The following BPIFB1 variants were observed in gnomAD, a reference collection of about 807,000 sequenced individuals.
The protein encoded by BPIFB1 is BPI fold containing family B member 1, also known as BPI fold-containing family B member 1.
BPIFB1 carries 34 observed loss-of-function variants against 55.1 expected under a neutral mutation model. The observed-to-expected ratio is 0.62, with a 90% confidence interval of 0.47 to 0.82. The LOEUF (loss-of-function observed/expected upper bound fraction) is 0.82. BPIFB1 is among the 40% of genes least tolerant of loss of function. The probability of loss-of-function intolerance (pLI) is 0.00; values close to 1 mark genes in which losing one functional copy is unlikely to be tolerated. For missense variants in BPIFB1, 532 were observed against 593.1 expected (o/e 0.90, Z 1.07); for synonymous variants, 236 against 245.3 (o/e 0.96, Z 0.35).
chr20:33,301,469 C>T (rs1288239966), intron 9 of BPIFB1, 57 bp downstream of exon 9: 3 of 1,537,966 alleles, frequency 2.0e-6, no homozygotes, highest in East Asian at 4.6e-5. Flanking sequence ...ATAGGAATTT[C>T]CTGAACACAG....
rs1363408686 is a variant in BPIFB1 at position 33,285,987 on chromosome 20, C to T, written c.-41-46C>T. ...GCCCCAGGTCACCGGGCATCATGGG[C>T]CTGCCCTTGGCCCCTCTGCCTCAGG... On this transcript the variant is annotated intron_variant, in intron 1 of 15. Coordinates refer to ENST00000253354, the MANE Select transcript of BPIFB1 (RefSeq NM_033197.3). The T allele has an allele frequency of 1.9e-5, 24 of 1,281,456 alleles. No homozygotes were observed. In the East Asian group the frequency reaches 2.8e-4, roughly 15 times the overall value. 79.4% of individuals were successfully genotyped at this position (1,281,456 alleles called of 1,614,324 possible). A position where few individuals can be genotyped will look rare whatever the true frequency, so the allele number is the denominator to read the frequency against.
At chr20:33,294,744 C>T (rs1038199585) in intron 6 of BPIFB1, among the ~76,000 whole-genome samples, 1 of 152,138 alleles carries the variant, frequency 6.6e-6, no homozygotes, top group Non-Finnish European at 1.5e-5. Flanking sequence ...TAGTATCTGT[C>T]TTTAATGGTG....
At chr20:33,299,181 G>A (rs1304995772) in intron 7 of BPIFB1, 9 of 456,550 alleles carry the variant, frequency 2.0e-5, no homozygotes, top group South Asian at 1.4e-4. Flanking sequence ...AAGTCCAGCT[G>A]GCTCCTCCGC....
chr20:33,306,013 G>GA lies in BPIFB1; in HGVS notation c.1271dup (p.Asn424LysfsTer5). ...TCTCTCTCTCACAGCCTGATGTTCT[G>GA]AAAAACATCATCACTGAGATCATCC... On this transcript the variant is annotated frameshift_variant, in exon 14 of 16. Transcript: ENST00000253354. LOFTEE classifies it high-confidence loss of function. The GA allele has an allele frequency of 6.2e-7, 1 of 1,614,118 alleles. No individual in the cohort carries two copies. Among genetic ancestry groups the GA allele is most frequent in the South Asian group, 1.1e-5 (1 of 91,086 alleles).
intron 1 of BPIFB1, among the ~76,000 whole-genome samples, chr20:33,284,575 G>T (rs1415806812): frequency 3.3e-5 from 5 of 152,170 alleles, no homozygotes; most frequent in Admixed American, 2.6e-4. Context: ...CTGCTCCAGG[G>T]CACAGGAGAC....
At chr20:33,300,139 T>C (rs1192780972) in intron 8 of BPIFB1, among the ~76,000 whole-genome samples, 155 bp downstream of exon 8, 1 of 152,156 alleles carries the variant, frequency 6.6e-6, no homozygotes, top group African/African-American at 2.4e-5. Flanking sequence ...GCTGAATATG[T>C]CCCATGCAAG....
rs1474916977 is a variant in BPIFB1, at chr20:33,285,890, T to C, written c.-41-143T>C. 12 of 571,268 alleles carry C rather than the reference T, an allele frequency of 2.1e-5. No homozygotes were observed. The Admixed American group carries it at 2.4e-4, about 11-fold the overall frequency. The allele number at this position is 571,268 out of a possible 1,614,324, so 35.4% of individuals were successfully genotyped here. A position where few individuals can be genotyped will look rare whatever the true frequency, so the allele number is the denominator to read the frequency against. ...AAAACTGAGGCACAAAGAGGTTACG[T>C]TGATTGCCTAAGGCTACACAGCTAG... is the stretch of plus-strand genomic sequence containing the variant. On this transcript the variant is annotated intron_variant, in intron 1 of 15. Transcript: ENST00000253354.
rs933040115 is a variant in BPIFB1, at chr20:33,309,526, G to T, written c.1396-182G>T. ...AAAATGGAGATGACATCAGGACCTG[G>T]TGTGGCATTAATGTTCACACACAGA... On this transcript the variant is annotated intron_variant, in intron 15 of 15. Coordinates refer to ENST00000253354, the MANE Select transcript of BPIFB1 (RefSeq NM_033197.3). This position sits in a 1 kb window ranked among gnomAD's most constrained non-coding sequence, Gnocchi z 4.4. Among the ~76,000 whole-genome samples the T allele has an allele frequency of 4.6e-5, 7 of 152,146 alleles. No homozygotes were observed. The highest frequency in any genetic ancestry group is 1.7e-4 in the African/African-American group (7 of 41,444).
At chr20:33,286,976 A>G (rs1192284311) in intron 2 of BPIFB1, among the ~76,000 whole-genome samples, 4 of 152,154 alleles carry the variant, frequency 2.6e-5, no homozygotes, top group Non-Finnish European at 5.9e-5. Flanking sequence ...AGAGGACCAG[A>G]CCTCTGCATT....
At chr20:33,283,547 G>A (rs111804760) in intron 1 of BPIFB1, among the ~76,000 whole-genome samples, 4 of 152,128 alleles carry the variant, frequency 2.6e-5, no homozygotes, top group Non-Finnish European at 4.4e-5. Context: ...GCTGTGCTGC[G>A]GTGGTGCTGG....
intron 9 of BPIFB1, among the ~76,000 whole-genome samples, chr20:33,302,032 G>A (rs540341253): frequency 4.6e-5 from 7 of 152,144 alleles, no homozygotes; most frequent in South Asian, 2.1e-4. Context: ...CTGGGATGGC[G>A]AGAAAATAGG....
chr20:33,289,609 G>A (rs1270965309), intron 3 of BPIFB1, among the ~76,000 whole-genome samples: 1 of 152,218 alleles, frequency 6.6e-6, no homozygotes, highest in Non-Finnish European at 1.5e-5. Flanking sequence ...CTCAAGGCAA[G>A]GAGTAAGGGA....
intron 9 of BPIFB1, among the ~76,000 whole-genome samples, chr20:33,301,985 C>G (rs1433284984): frequency 6.6e-6 from 1 of 152,174 alleles, no homozygotes; most frequent in Non-Finnish European, 1.5e-5. Context: ...AACTTCAGGG[C>G]AGCTGACAGA....
In BPIFB1 at chr20:33,301,271, G is replaced by T; in HGVS notation, c.786G>T (p.Trp262Cys). Residue 262 changes from tryptophan (W) to cysteine (C), a missense_variant, in exon 9 of 16, where the codon TGG (tryptophan) becomes TGT (cysteine). Transcript: ENST00000253354. Reference sequence around the variant, plus strand: ...ACTCACAGGGAAAGGTGACCAAGTGGTTCAATAACTCTGCAGCTTCCCTGA... The same window carrying T: ...ACTCACAGGGAAAGGTGACCAAGTGTTTCAATAACTCTGCAGCTTCCCTGA... Reference protein sequence around the residue: ...LLDSQGKVTKWFNNSAASLTM... With the variant: ...LLDSQGKVTKCFNNSAASLTM... 6.2e-7 allele frequency: 1 copy of T among 1,614,212 alleles called. No homozygotes were observed. Among genetic ancestry groups the T allele is most frequent in the Non-Finnish European group, 8.5e-7 (1 of 1,180,034 alleles).
intron 14 of BPIFB1, 69 bp downstream of exon 14, chr20:33,306,134 C>G: frequency 6.5e-7 from 1 of 1,540,888 alleles, no homozygotes; most frequent in Non-Finnish European, 9.0e-7. Context: ...GCCCTCATCT[C>G]CATGAATGGG....
intron 15 of BPIFB1, chr20:33,307,210 GTCATTCATTCAT>G (rs141478347): frequency 3.8e-6 from 2 of 523,210 alleles, no homozygotes; most frequent in Non-Finnish European, 6.8e-6. Flanking sequence ...CCACCCCCTT[GTCATTCATTCAT>G]TCATTCATTC....
intron 9 of BPIFB1, 47 bp downstream of exon 9, chr20:33,301,459 A>G (rs757545746): frequency 8.3e-6 from 13 of 1,566,650 alleles, no homozygotes; most frequent in African/African-American, 2.7e-5. Context: ...AGGCCACATC[A>G]TAGGAATTTC....
intron 7 of BPIFB1, 156 bp downstream of exon 7, chr20:33,297,744 C>T (rs1183552772): frequency 1.7e-5 from 13 of 761,276 alleles, no homozygotes; most frequent in South Asian, 7.3e-5. Flanking sequence ...CTGCCCCAGA[C>T]GCGCAGACAG....
Position 33,291,050 on chromosome 20 carries a change from G to T in BPIFB1, c.459G>T (p.Leu153=), listed in dbSNP as rs764340319. ...CCAGTGCAAGTGGCCCCACCCGCCT[G>T]GTCCTCAGTGACTGTGCCACCAGCC... The part of the protein sequence containing the change: ...MDTSASGPTR[L]VLSDCATSHG... The change falls in exon 5 of 16, where the codon CTG becomes CTT. Residue 153 remains leucine (L), a synonymous_variant. Coordinates refer to ENST00000253354, the MANE Select transcript of BPIFB1 (RefSeq NM_033197.3). The T allele has an allele frequency of 2.5e-6, 4 of 1,613,578 alleles. No homozygotes were observed. The highest frequency in any genetic ancestry group is 2.2e-5 in the South Asian group (2 of 91,070).
Sources: gnomAD v4.1 joint callset for allele counts (sites outside exome capture counted in the v4.1 genomes callset) on GRCh38, gnomAD v4.1.1 for gene constraint, Gnocchi (gnomAD v3.1) non-coding constraint, MANE v1.5 for transcripts, NCBI Gene and HGNC (gene_info 2026-07-23, HGNC 2026-07-21) for gene names.